The following HGF variants were observed in gnomAD, a reference collection of about 807,000 sequenced individuals.
The protein encoded by HGF is fibroblast-derived tumor cytotoxic factor.
Under a neutral mutation model 111.6 loss-of-function variants are expected in HGF, and 39 were observed. The observed-to-expected ratio is 0.35, with a 90% CI of 0.27 to 0.46. The LOEUF is 0.46. HGF is among the 20% of genes least tolerant of loss of function. HGF has a pLI of 1.00. For synonymous variants in HGF, 285 were observed against 294.8 expected (o/e 0.97, Z 0.34); for missense variants, 735 against 910.5 (o/e 0.81, Z 2.48).
chr7:81,725,922 T>C lies in HGF; in HGVS notation c.1136A>G (p.Gln379Arg). 6.2e-7 allele frequency: 1 copy of C among 1,614,112 alleles called. No homozygotes were observed. Residue 379 changes from glutamine to arginine, a missense_variant, in exon 9 of 18, where the codon CAA (glutamine) becomes CGA (arginine). Gln to Arg is a conservative substitution (Grantham distance 43). Coordinates refer to ENST00000222390, the MANE Select transcript of HGF (RefSeq NM_000601.6). ...DPNIRVGYCS[Q>R]IPNCDMSHGQ... ...ATGTGACATATCACAGTTTGGAATT[T>C]GGGAGCAGTAGCCAACTCGGATGTT...
chr7:81,765,985 T>C (rs1789337464), intron 1 of HGF, among the ~76,000 whole-genome samples: 1 of 152,186 alleles, frequency 6.6e-6, no homozygotes, highest in Admixed American at 6.5e-5. Flanking sequence ...TCCTGTGCTT[T>C]AAATTACAAC....
At chr7:81,724,267 G>T (rs1274770540) in intron 9 of HGF, among the ~76,000 whole-genome samples, 1 of 152,122 alleles carries the variant, frequency 6.6e-6, no homozygotes, top group Non-Finnish European at 1.5e-5. Flanking sequence ...TGACTGAAAA[G>T]GGACTCATCC....
chr7:81,705,330 AT>A, intron 17 of HGF, 59 bp downstream of exon 17: 2 of 1,526,600 alleles, frequency 1.3e-6, no homozygotes, highest in Non-Finnish European at 1.8e-6. Context: ...ACAGAAAAAA[AT>A]AAACATGAAA....
At position 81,762,598 on chromosome 7, in the gene HGF, T is replaced by TA. The variant is rs1395999451; in HGVS notation, c.254+108dup. 17 of 899,586 alleles carry TA rather than the reference T, an allele frequency of 1.9e-5. No homozygotes were observed. The Admixed American group carries it at 2.7e-4, about 14-fold the overall frequency. The allele number at this position is 899,586 out of a possible 1,614,324, so 55.7% of individuals were successfully genotyped here. ...AGTGAGTTAAATCTAGAGTCAAACT[T>TA]ACAATTTTATGATCAAATCACATTG... is the stretch of plus-strand genomic sequence containing the variant. On this transcript the variant is annotated intron_variant, in intron 2 of 17. Transcript: ENST00000222390.
At chr7:81,766,548 TACCAAGA>T (rs1789365789) in intron 1 of HGF, among the ~76,000 whole-genome samples, 1 of 152,168 alleles carries the variant, frequency 6.6e-6, no homozygotes, top group Non-Finnish European at 1.5e-5. Flanking sequence ...CAAATAAAGA[TACCAAGA>T]AGACAGAGAC....
At chr7:81,742,397 T>C (rs1788042667) in intron 7 of HGF, among the ~76,000 whole-genome samples, 1 of 152,222 alleles carries the variant, frequency 6.6e-6, no homozygotes, top group African/African-American at 2.4e-5. Context: ...CTCTTAATTA[T>C]ATATTTTACT....
At chr7:81,705,625 C>T (rs1477374441) in intron 16 of HGF, 22 bp downstream of exon 16, 4 of 1,596,242 alleles carry the variant, frequency 2.5e-6, no homozygotes, top group Non-Finnish European at 3.4e-6. Context: ...AATATGGCCT[C>T]ATCTTTTGAA....
chr7:81,748,818 T>C (rs975245099), intron 5 of HGF, among the ~76,000 whole-genome samples: 1 of 152,236 alleles, frequency 6.6e-6, no homozygotes. Context: ...AAAAACTGTA[T>C]ATGAATTAGA....
chr7:81,741,473 T>C (rs543922081), intron 7 of HGF, among the ~76,000 whole-genome samples: 2 of 152,192 alleles, frequency 1.3e-5, no homozygotes, highest in Admixed American at 6.5e-5. Flanking sequence ...TTTTTAAAAA[T>C]ACCCTAAAGA....
rs903213878 is a variant in HGF at position 81,711,733 on chromosome 7, T to G, written c.1406-214A>C. 2.0e-5 allele frequency among the ~76,000 whole-genome samples: 3 copies of G among 152,280 alleles called. No homozygotes were observed. The East Asian group carries it at 5.8e-4, about 29-fold the overall frequency. ...ATCTCAGCTCACTGCAACCTCCCCC[T>G]CTCAGGTTCAAGCGATTCTCCTGAC... On this transcript the variant is annotated intron_variant, in intron 11 of 17. Coordinates refer to ENST00000222390, the MANE Select transcript of HGF (RefSeq NM_000601.6).
At chr7:81,725,785 A>G in intron 9 of HGF, 105 bp downstream of exon 9, 1 of 1,310,024 alleles carries the variant, frequency 7.6e-7, no homozygotes, top group South Asian at 1.2e-5. Context: ...CAAGCCAGCA[A>G]AACCAGTGCA....
rs1228240674 is a variant in HGF at position 81,743,092 on chromosome 7, A to T, written c.865+261T>A. The T allele has an allele frequency of 1.5e-5, 12 of 804,814 alleles. No homozygotes were observed. The Admixed American group carries it at 2.8e-4, about 19-fold the overall frequency. The allele number at this position is 804,814 out of a possible 1,614,324, so 49.9% of individuals were successfully genotyped here. A position where few individuals can be genotyped will look rare whatever the true frequency, so the allele number is the denominator to read the frequency against. On this transcript the variant is annotated intron_variant, in intron 7 of 17. Transcript: ENST00000222390. ...TGTGGTTTTTTAAATTTTCTTGATA[A>T]CATTAGAATGTTTAGGCTCTTGCCA...
At chr7:81,703,045 C>T (rs1023443518) in intron 17 of HGF, among the ~76,000 whole-genome samples, 1 of 151,492 alleles carries the variant, frequency 6.6e-6, no homozygotes, top group Non-Finnish European at 1.5e-5. Context: ...GTGTGCTTTG[C>T]CTTTGTTGGA....
chr7:81,706,936 G>A (rs1275252175), intron 14 of HGF, among the ~76,000 whole-genome samples: 1 of 151,284 alleles, frequency 6.6e-6, no homozygotes, highest in Non-Finnish European at 1.5e-5. Context: ...ACAGGAGAAA[G>A]AAGTAGTGAG....
At position 81,704,753 on chromosome 7, in the gene HGF, A is replaced by C. The variant is rs191416630; in HGVS notation, c.2010+637T>G. On this transcript the variant is annotated intron_variant, in intron 17 of 17. Transcript: ENST00000222390. ...CCCACAGCCCTGAAGCTTGGAGAAC[A>C]TGTCTCTCACATTCAAAATCTAACT... Among the ~76,000 whole-genome samples the C allele has an allele frequency of 5.9e-4, 89 of 151,908 alleles. 1 individual carries two copies. The highest frequency in any genetic ancestry group is 2.0e-3 in the African/African-American group (84 of 41,526).
intron 7 of HGF, among the ~76,000 whole-genome samples, chr7:81,742,124 T>C (rs1176008143): frequency 6.6e-6 from 1 of 152,128 alleles, no homozygotes; most frequent in Non-Finnish European, 1.5e-5. Context: ...ACAGGAGTCA[T>C]CTTTTATTTT....
chr7:81,742,782 A>C lies in HGF; in HGVS notation c.865+571T>G, dbSNP rs1049220915. On this transcript the variant is annotated intron_variant, in intron 7 of 17. Coordinates refer to ENST00000222390, the MANE Select transcript of HGF (RefSeq NM_000601.6). ...GATTGTATGGACTGCTAAAAGACAG[A>C]TCGAAACAGAATGCAGGCTGGGTAC... The C allele has an allele frequency of 2.0e-6, 3 of 1,537,834 alleles. No individual in the cohort carries two copies. In the African/African-American group the frequency reaches 4.1e-5, roughly 21 times the overall value.
In HGF at chr7:81,705,519, G is replaced by T. The variant is rs1789398948; in HGVS notation, c.1881C>A (p.Gly627=). 1.2e-6 allele frequency: 2 copies of T among 1,612,310 alleles called. No homozygotes were observed. Among genetic ancestry groups the T allele is most frequent in the Non-Finnish European group, 1.7e-6 (2 of 1,178,886 alleles). ...WGYTGLINYD[G]LLRVAHLYIM... is the part of the protein sequence containing the mutation. The stretch of plus-strand genomic sequence containing the variant: ...TATAGAGATGTGCCACTCGTAATAG[G>T]CCATCATAGTTGATCACTAGATTGA... The change falls in exon 17 of 18, where the codon GGC becomes GGA. Residue 627 remains glycine, a synonymous_variant. Coordinates refer to ENST00000222390, the MANE Select transcript of HGF (RefSeq NM_000601.6).
At chr7:81,755,411 A>G (rs1236526163) in intron 4 of HGF, 1 of 152,102 alleles carries the variant, frequency 6.6e-6, no homozygotes, top group African/African-American at 2.4e-5. Flanking sequence ...ACAAAAAGGG[A>G]TTTTATTAAT....
Sources: gnomAD v4.1 joint callset for allele counts (sites outside exome capture counted in the v4.1 genomes callset) on GRCh38, gnomAD v4.1.1 for gene constraint, MANE v1.5 for transcripts, NCBI Gene and HGNC (gene_info 2026-07-23, HGNC 2026-07-21) for gene names.